PRODH: variants seen among roughly 807,000 people sequenced by gnomAD.
PRODH encodes the protein proline dehydrogenase 1, also known as proline dehydrogenase 1, mitochondrial.
For missense variants in PRODH, 3 were observed against 24.1 expected (o/e 0.12, Z 1.83); for synonymous variants, 3 against 10.4 (o/e 0.29, Z 1.37).
chr22:18,915,252 G>A lies in PRODH; in HGVS notation c.1526+1638C>T, dbSNP rs34691549. 3 of 28,982 alleles carry A rather than the reference G, an allele frequency of 1.0e-4. 1 individual carries two copies. Among genetic ancestry groups the A allele is most frequent in the African/African-American group, 2.0e-4 (3 of 14,848 alleles). The allele number at this position is 28,982 out of a possible 1,614,324, so 1.8% of individuals were successfully genotyped here. On this transcript the variant is annotated intron_variant, in intron 12 of 13. Coordinates refer to ENST00000357068, the MANE Select transcript of PRODH (RefSeq NM_016335.6). ...CAGCCTCTCAGGCAGGGATGTGAGC[G>A]TGGTACTGGGGGAGCCTGGCACAGG...
At chr22:18,918,100 T>C (rs1481565779) in intron 11 of PRODH, among the ~76,000 whole-genome samples, 2 of 117,536 alleles carry the variant, frequency 1.7e-5, no homozygotes, top group Admixed American at 8.8e-5. Context: ...CAGGGAACTG[T>C]GGCCAATTTT....
In PRODH at chr22:18,918,093, G is replaced by C. The variant is rs5747928; in HGVS notation, c.1427+223C>G. 0.044 allele frequency among the ~76,000 whole-genome samples: 5,115 copies of C among 116,088 alleles called. 762 individuals carry two copies. The highest frequency in any genetic ancestry group is 0.13 in the East Asian group (593 of 4,742). 76.2% of individuals were successfully genotyped at this position (116,088 alleles called of 152,430 possible). A position where few individuals can be genotyped will look rare whatever the true frequency, so the allele number is the denominator to read the frequency against. On this transcript the variant is annotated intron_variant, in intron 11 of 13. Coordinates refer to ENST00000357068, the MANE Select transcript of PRODH (RefSeq NM_016335.6). ...TAAGTGTCTGCAGGAGCAAGCTCAG[G>C]GAACTGTGGCCAATTTTGCTTTGTT...
chr22:18,919,056 G>A lies in PRODH; in HGVS notation c.1251+395C>T, dbSNP rs1410040013. Among the ~76,000 whole-genome samples, 2 of 7,332 alleles carry A rather than the reference G, an allele frequency of 2.7e-4. 1 individual carries two copies. Among genetic ancestry groups the A allele is most frequent in the African/African-American group, 3.4e-4 (2 of 5,946 alleles). The allele number at this position is 7,332 out of a possible 152,430, so 4.8% of individuals were successfully genotyped here. Reference sequence around the variant, plus strand: ...ACACCTTCCAAGTTTGGGGTGTCGGGTACATCTAGTGGACCCTCATAAAGA... The same window carrying A: ...ACACCTTCCAAGTTTGGGGTGTCGGATACATCTAGTGGACCCTCATAAAGA... On this transcript the variant is annotated intron_variant, in intron 10 of 13. Coordinates refer to ENST00000357068, the MANE Select transcript of PRODH (RefSeq NM_016335.6).
In PRODH at chr22:18,913,139, G is replaced by A. The variant is rs766573716; in HGVS notation, c.*36C>T. 2 of 185,374 alleles carry A rather than the reference G, an allele frequency of 1.1e-5. 1 individual carries two copies. The highest frequency in any genetic ancestry group is 1.6e-5 in the Non-Finnish European group (2 of 126,688). The allele number at this position is 185,374 out of a possible 1,614,324, so 11.5% of individuals were successfully genotyped here. On this transcript the variant is annotated 3_prime_UTR_variant, in exon 14 of 14. Transcript: ENST00000357068. ...CTGTGGTGATGGCCTGGGCGGGGGC[G>A]GGGGGTGCTGGAGGCTAAGGGTGTG...
In PRODH at chr22:18,917,417, G is replaced by A. The variant is rs1409334632; in HGVS notation, c.1428-429C>T. ...AGGGCACAGTGGGGGTGGGCATCCC[G>A]GTGCACCAGGAAGCCCGAGCAGTAC... On this transcript the variant is annotated intron_variant, in intron 11 of 13. Coordinates refer to ENST00000357068, the MANE Select transcript of PRODH (RefSeq NM_016335.6). Among the ~76,000 whole-genome samples, 2 of 34,804 alleles carry A rather than the reference G, an allele frequency of 5.7e-5. 1 individual carries two copies. Among genetic ancestry groups the A allele is most frequent in the African/African-American group, 9.7e-5 (2 of 20,706 alleles). The allele number at this position is 34,804 out of a possible 152,430, so 22.8% of individuals were successfully genotyped here. A position where few individuals can be genotyped will look rare whatever the true frequency, so the allele number is the denominator to read the frequency against.
At position 18,928,813 on chromosome 22, in the gene PRODH, AC is replaced by A. The variant is rs3079696; in HGVS notation, c.482+2176del. On this transcript the variant is annotated intron_variant, in intron 2 of 13. Transcript: ENST00000357068. Reference sequence around the variant, plus strand: ...CCCTGGCCTCTGGGAAGCATGGTCCACCCCCCCCCCGGGTGGGCATTGCCCT... The same window carrying A: ...CCCTGGCCTCTGGGAAGCATGGTCCACCCCCCCCCGGGTGGGCATTGCCCT... 2.5e-3 allele frequency among the ~76,000 whole-genome samples: 19 copies of A among 7,470 alleles called. 4 individuals are homozygous for A. The highest frequency in any genetic ancestry group is 7.0e-3 in the African/African-American group (4 of 570). 4.9% of individuals were successfully genotyped at this position (7,470 alleles called of 152,430 possible). A position where few individuals can be genotyped will look rare whatever the true frequency, so the allele number is the denominator to read the frequency against.
At position 18,917,949 on chromosome 22, in the gene PRODH, T is replaced by C. The variant is rs2081940118; in HGVS notation, c.1427+367A>G. On this transcript the variant is annotated intron_variant, in intron 11 of 13. Coordinates refer to ENST00000357068, the MANE Select transcript of PRODH (RefSeq NM_016335.6). ...CTACATGAAAAGATCACCAAGAAAC[T>C]AGAGCAGTAAAAGCAGGTGCAGAAC... Among the ~76,000 whole-genome samples the C allele has an allele frequency of 4.1e-5, 2 of 48,218 alleles. 1 individual carries two copies. Among genetic ancestry groups the C allele is most frequent in the African/African-American group, 9.6e-5 (2 of 20,852 alleles). The allele number at this position is 48,218 out of a possible 152,430, so 31.6% of individuals were successfully genotyped here. A position where few individuals can be genotyped will look rare whatever the true frequency, so the allele number is the denominator to read the frequency against.
Position 18,918,372 on chromosome 22 carries a change from G to A in PRODH, c.1371C>T (p.Ile457=), listed in dbSNP as rs1445141178. 1.7e-5 allele frequency: 4 copies of A among 237,676 alleles called. No homozygotes were observed. The highest frequency in any genetic ancestry group is 7.5e-5 in the East Asian group (2 of 26,624). The allele number at this position is 237,676 out of a possible 1,614,324, so 14.7% of individuals were successfully genotyped here. A position where few individuals can be genotyped will look rare whatever the true frequency, so the allele number is the denominator to read the frequency against. Residue 457 remains isoleucine, a synonymous_variant, in exon 11 of 14, where the codon ATC becomes ATT. Coordinates refer to ENST00000357068, the MANE Select transcript of PRODH (RefSeq NM_016335.6). ...LAQERARAAE[I]GYEDPINPTY... ...TGGGGTTGATGGGGTCCTCATAGCCGATCTCTGCCGCACGGGCTCGCTCCT... is the reference window on the plus strand; with the variant it reads ...TGGGGTTGATGGGGTCCTCATAGCCAATCTCTGCCGCACGGGCTCGCTCCT...
rs11913404 is a variant in PRODH, at chr22:18,919,292, C to T, written c.1251+159G>A. ...TGTGCTGCAGAAGACCCCAACAACC[C>T]CTTGGGGGCACGGCCCACTCCCTCC... is the stretch of plus-strand genomic sequence containing the variant. On this transcript the variant is annotated intron_variant, in intron 10 of 13. Transcript: ENST00000357068. Among the ~76,000 whole-genome samples, 14 of 41,590 alleles carry T rather than the reference C, an allele frequency of 3.4e-4. No individual in the cohort carries two copies. Among genetic ancestry groups the T allele is most frequent in the East Asian group, 1.2e-3 (3 of 2,498 alleles). The allele number at this position is 41,590 out of a possible 152,430, so 27.3% of individuals were successfully genotyped here.
In PRODH at chr22:18,913,577, A is replaced by G. The variant is rs385440; in HGVS notation, c.1527-51T>C. On this transcript the variant is annotated intron_variant, in intron 12 of 13. Transcript: ENST00000357068. ...GGGCCAGTTCCAGGACACTGTCCCC[A>G]GTGCAGGGATACAGGGCTCCTGTCC... 14 of 166,354 alleles carry G rather than the reference A, an allele frequency of 8.4e-5. 7 individuals are homozygous for G. Among genetic ancestry groups the G allele is most frequent in the South Asian group, 4.3e-4 (6 of 13,818 alleles). The allele number at this position is 166,354 out of a possible 1,614,324, so 10.3% of individuals were successfully genotyped here.
chr22:18,918,087 G>T (rs1568991788), intron 11 of PRODH, among the ~76,000 whole-genome samples: 1 of 116,054 alleles, frequency 8.6e-6, no homozygotes, highest in African/African-American at 2.8e-5. Context: ...GCAGGAGCAA[G>T]CTCAGGGAAC....
intron 2 of PRODH, among the ~76,000 whole-genome samples, chr22:18,928,855 T>C (rs1364081300): frequency 3.4e-4 from 1 of 2,980 alleles, no homozygotes; most frequent in Non-Finnish European, 5.9e-4. Flanking sequence ...ACCTCCAGGC[T>C]CCCACCTCCT....
At chr22:18,918,157 T>C (rs888173311) in intron 11 of PRODH, among the ~76,000 whole-genome samples, 159 bp downstream of exon 11, 3 of 108,270 alleles carry the variant, frequency 2.8e-5, no homozygotes, top group Admixed American at 9.6e-5. Flanking sequence ...ATAACCTTAA[T>C]GCTTTTGAAA....
intron 1 of PRODH, among the ~76,000 whole-genome samples, chr22:18,933,382 T>C (rs2082000100): frequency 6.6e-6 from 1 of 150,604 alleles, no homozygotes; most frequent in African/African-American, 2.4e-5. Flanking sequence ...TTCAAGCGAT[T>C]CTCCCGCCTC....
rs1208973665 is a variant in PRODH at position 18,913,138 on chromosome 22, CG to C, written c.*36del. The C allele has an allele frequency of 4.9e-5, 6 of 122,088 alleles. 3 individuals are homozygous for C. The East Asian group carries it at 2.5e-3, about 51-fold the overall frequency. 7.6% of individuals were successfully genotyped at this position (122,088 alleles called of 1,614,324 possible). A position where few individuals can be genotyped will look rare whatever the true frequency, so the allele number is the denominator to read the frequency against. On this transcript the variant is annotated 3_prime_UTR_variant, in exon 14 of 14. Coordinates refer to ENST00000357068, the MANE Select transcript of PRODH (RefSeq NM_016335.6). Reference sequence around the variant, plus strand: ...GCTGTGGTGATGGCCTGGGCGGGGGCGGGGGGTGCTGGAGGCTAAGGGTGTG... The same window carrying C: ...GCTGTGGTGATGGCCTGGGCGGGGGCGGGGGTGCTGGAGGCTAAGGGTGTG...
intron 11 of PRODH, among the ~76,000 whole-genome samples, chr22:18,918,071 G>A (rs1297216622): frequency 8.8e-6 from 1 of 113,850 alleles, no homozygotes; most frequent in African/African-American, 2.9e-5. Context: ...CTGGATCTAA[G>A]TGTCTGCAGG....
chr22:18,917,706 C>A (rs948843085), intron 11 of PRODH, among the ~76,000 whole-genome samples: 1 of 33,744 alleles, frequency 3.0e-5, no homozygotes, highest in Non-Finnish European at 1.2e-4. Context: ...CAAGCCCACA[C>A]AAGAGGACCC....
chr22:18,913,615 T>C lies in PRODH; in HGVS notation c.1527-89A>G, dbSNP rs868561195. 3 of 115,392 alleles carry C rather than the reference T, an allele frequency of 2.6e-5. 1 individual carries two copies. Among genetic ancestry groups the C allele is most frequent in the Middle Eastern group, 3.1e-3 (2 of 644 alleles). The allele number at this position is 115,392 out of a possible 1,614,324, so 7.1% of individuals were successfully genotyped here. Reference sequence around the variant, plus strand: ...AGGGCTCCTGTCCCAGCTCTGAGCCTGTCCTGCCATCCCAGGTGCCCCATC... The same window carrying C: ...AGGGCTCCTGTCCCAGCTCTGAGCCCGTCCTGCCATCCCAGGTGCCCCATC... On this transcript the variant is annotated intron_variant, in intron 12 of 13. Transcript: ENST00000357068.
chr22:18,933,784 G>C (rs80101553), intron 1 of PRODH, among the ~76,000 whole-genome samples: 27,445 of 117,762 alleles, frequency 0.23, 6,866 homozygotes, highest in South Asian at 0.41. Context: ...ACACCATCCT[G>C]GTGTCACTGA....
Sources: allele counts gnomAD v4.1 joint callset (sites outside exome capture counted in the v4.1 genomes callset), GRCh38; gene constraint gnomAD v4.1.1; transcripts MANE v1.5; gene names NCBI Gene and HGNC (gene_info 2026-07-23, HGNC 2026-07-21).